PGR: variants seen among roughly 807,000 people sequenced by gnomAD.
The protein encoded by PGR is progesterone receptor.
PGR carries 25 observed loss-of-function variants against 76.1 expected under a neutral mutation model. The observed-to-expected ratio is 0.33, with a 90% CI of 0.24 to 0.46. PGR has a LOEUF of 0.46. PGR is among the 20% of genes least tolerant of loss of function. The pLI is 1.00. For missense variants in PGR, 1,172 were observed against 1,225.3 expected (o/e 0.96, Z 0.65); for synonymous variants, 579 against 535.0 (o/e 1.08, Z -1.14).
At chr11:101,059,857 A>AAAAAAAAAAAAAAG (rs1565337564) in intron 4 of PGR, among the ~76,000 whole-genome samples, 6 of 138,722 alleles carry the variant, frequency 4.3e-5, no homozygotes, top group Non-Finnish European at 6.3e-5. Flanking sequence ...AAAAAAAAAA[A>AAAAAAAAAAAAAAG]AAAAGAAAAA....
At chr11:101,041,250 A>T (rs1859685103) in intron 7 of PGR, among the ~76,000 whole-genome samples, 1 of 152,050 alleles carries the variant, frequency 6.6e-6, no homozygotes, top group South Asian at 2.1e-4. Flanking sequence ...GTAAGACCTC[A>T]AAAGTTGACC....
rs1418543276 is a variant in PGR at position 101,034,349 on chromosome 11, G to A, written c.*4767C>T. 6 of 214,394 alleles carry A rather than the reference G, an allele frequency of 2.8e-5. No homozygotes were observed. The highest frequency in any genetic ancestry group is 1.8e-4 in the Admixed American group (3 of 17,060). The allele number at this position is 214,394 out of a possible 1,614,324, so 13.3% of individuals were successfully genotyped here. ...GCGGACAAGCTTGGGCGCAGCCCCT[G>A]TGCCTGTGACCTGAGCTCTGCCTTG... On this transcript the variant is annotated 3_prime_UTR_variant, in exon 8 of 8. Transcript: ENST00000325455.
At chr11:101,104,318 A>G (rs1046039184) in intron 2 of PGR, among the ~76,000 whole-genome samples, 4 of 152,320 alleles carry the variant, frequency 2.6e-5, no homozygotes, top group Middle Eastern at 3.4e-3. Flanking sequence ...TATGCTTTAG[A>G]GTCAAATAGA....
intron 3 of PGR, among the ~76,000 whole-genome samples, chr11:101,073,873 C>G (rs1278688947): frequency 1.3e-5 from 2 of 152,204 alleles, no homozygotes; most frequent in African/African-American, 2.4e-5. Flanking sequence ...CAGGACCAGA[C>G]AGATTCATAG....
intron 6 of PGR, among the ~76,000 whole-genome samples, chr11:101,045,932 A>G (rs1186637217): frequency 6.6e-6 from 1 of 152,070 alleles, no homozygotes; most frequent in East Asian, 1.9e-4. Flanking sequence ...GGTGTTCCAT[A>G]GAGGCTGTAC....
At chr11:101,051,675 AT>A in intron 4 of PGR, 107 bp from the exon 5 acceptor site, 1 of 777,718 alleles carries the variant, frequency 1.3e-6, no homozygotes, top group South Asian at 1.5e-5. Context: ...GGGTAATAAA[AT>A]GTTTTCAATC....
intron 2 of PGR, among the ~76,000 whole-genome samples, chr11:101,121,463 G>T (rs1196008197): frequency 1.3e-5 from 2 of 152,148 alleles, no homozygotes; most frequent in African/African-American, 4.8e-5. Flanking sequence ...TACCAAACCA[G>T]TTTTCATTAC....
rs748812117 is a variant in PGR at position 101,128,291 on chromosome 11, C to T, written c.780G>A (p.Ala260=). The change falls in exon 1 of 8, where the codon GCG becomes GCA. Residue 260 remains alanine, a synonymous_variant. Transcript: ENST00000325455. The part of the protein sequence containing the change: ...GGGAAAVPPG[A]AAGGVALVPK... ...GGACCAGGGCGACGCCTCCTGCTGC[C>T]GCCCCCGGCGGGACAGCCGCGGCTC... 1.3e-6 allele frequency: 2 copies of T among 1,591,406 alleles called. No individual in the cohort carries two copies. Among genetic ancestry groups the T allele is most frequent in the East Asian group, 2.3e-5 (1 of 44,338 alleles).
At chr11:101,044,745 C>A (rs998057959) in intron 6 of PGR, among the ~76,000 whole-genome samples, 4 of 135,734 alleles carry the variant, frequency 2.9e-5, no homozygotes, top group Non-Finnish European at 1.5e-5. Flanking sequence ...CTTGCTCTGT[C>A]GCCCAGGCTG....
intron 2 of PGR, among the ~76,000 whole-genome samples, chr11:101,119,972 A>T (rs1862626365): frequency 6.6e-6 from 1 of 152,242 alleles, no homozygotes; most frequent in African/African-American, 2.4e-5. Flanking sequence ...GACTCTTACA[A>T]GGATTAATTG....
rs35200467 is a variant in PGR at position 101,122,982 on chromosome 11, T to C, written c.1789+3025A>G. The stretch of plus-strand genomic sequence containing the variant: ...TAGATGTTTCATCACTTGGCTCACA[T>C]CTTTTCTTCTAACCCTCTATTGTTT... On this transcript the variant is annotated intron_variant, in intron 2 of 7. Transcript: ENST00000325455. Among the ~76,000 whole-genome samples the C allele has an allele frequency of 6.1e-3, 922 of 152,328 alleles. 11 individuals carry two copies. Among genetic ancestry groups the C allele is most frequent in the African/African-American group, 0.021 (870 of 41,576 alleles).
In PGR at chr11:101,127,494, T is replaced by C; in HGVS notation, c.1577A>G (p.Gln526Arg). 6.4e-7 allele frequency: 1 copy of C among 1,551,756 alleles called. No homozygotes were observed. Among genetic ancestry groups the C allele is most frequent in the Non-Finnish European group, 8.7e-7 (1 of 1,153,108 alleles). ...GLNGLPQLGY[Q>R]AAVLKEGLPQ... is the part of the protein sequence containing the mutation. Reference sequence around the variant, plus strand: ...CAGGCCCTCCTTGAGCACGGCGGCCTGGTAGCCGAGCTGCGGGAGCCCGTT... The same window carrying C: ...CAGGCCCTCCTTGAGCACGGCGGCCCGGTAGCCGAGCTGCGGGAGCCCGTT... The change falls in exon 1 of 8, where the codon CAG becomes CGG. Residue 526 changes from glutamine to arginine, a missense_variant. Transcript: ENST00000325455.
intron 2 of PGR, among the ~76,000 whole-genome samples, chr11:101,099,742 A>G (rs1861939846): frequency 6.6e-6 from 1 of 152,150 alleles, no homozygotes; most frequent in African/African-American, 2.4e-5. Context: ...AAGTATCTCC[A>G]TGAATCTCAC....
At chr11:101,062,867 G>A (rs932795521) in intron 3 of PGR, 115 bp from the exon 4 acceptor site, 34 of 613,332 alleles carry the variant, frequency 5.5e-5, no homozygotes, top group Admixed American at 1.2e-4. Context: ...AGCATCAATC[G>A]AATGAAATAG....
chr11:101,045,754 C>T (rs1415111947), intron 6 of PGR, among the ~76,000 whole-genome samples: 2 of 151,974 alleles, frequency 1.3e-5, no homozygotes, highest in African/African-American at 4.8e-5. Flanking sequence ...TGTTGATACA[C>T]ACTTGGATTG....
chr11:101,069,590 C>G (rs568628703), intron 3 of PGR, among the ~76,000 whole-genome samples: 7 of 152,240 alleles, frequency 4.6e-5, no homozygotes, highest in African/African-American at 1.7e-4. Context: ...TTCACAATAG[C>G]AAAGACTTGG....
intron 1 of PGR, 75 bp from the exon 2 acceptor site, chr11:101,126,233 G>A (rs1862834659): frequency 7.3e-7 from 1 of 1,370,044 alleles, no homozygotes. Context: ...TCTTAAACCA[G>A]TATTAACAGG....
chr11:101,046,364 G>C (rs1859887756), intron 6 of PGR, among the ~76,000 whole-genome samples: 1 of 129,362 alleles, frequency 7.7e-6, no homozygotes, highest in Admixed American at 9.5e-5. Context: ...AGTTGCCTAG[G>C]CTGGTCTCAA....
chr11:101,037,525 T>G lies in PGR; in HGVS notation c.*1591A>C, dbSNP rs1184092933. 1 of 227,674 alleles carries G rather than the reference T, an allele frequency of 4.4e-6. No homozygotes were observed. Among genetic ancestry groups the G allele is most frequent in the Non-Finnish European group, 8.7e-6 (1 of 114,616 alleles). The allele number at this position is 227,674 out of a possible 1,614,324, so 14.1% of individuals were successfully genotyped here. A position where few individuals can be genotyped will look rare whatever the true frequency, so the allele number is the denominator to read the frequency against. On this transcript the variant is annotated 3_prime_UTR_variant, in exon 8 of 8. Transcript: ENST00000325455. ...ACATAAACATAAGAAATAATTGTTT[T>G]GTGGAATTTTGCTTAGGGAGAGAAA...
Sources: allele counts gnomAD v4.1 joint callset (sites outside exome capture counted in the v4.1 genomes callset), GRCh38; gene constraint gnomAD v4.1.1; transcripts MANE v1.5; gene names NCBI Gene and HGNC (gene_info 2026-07-23, HGNC 2026-07-21).